The following KAZN variants were observed in gnomAD, a reference collection of about 807,000 sequenced individuals.
The protein encoded by KAZN is kazrin.
A neutral mutation model predicts 87.4 loss-of-function variants in KAZN; 40 were observed. The observed-to-expected ratio is 0.46, with a 90% CI of 0.36 to 0.60. The LOEUF (loss-of-function observed/expected upper bound fraction) is 0.60, where lower values mean the gene tolerates loss of function less well. Ranked by LOEUF, KAZN falls within the 20% of genes least tolerant of loss-of-function variation. The pLI is 0.00. For synonymous variants in KAZN, 466 were observed against 458.3 expected (o/e 1.02, Z -0.22); for missense variants, 898 against 1,073.9 (o/e 0.84, Z 2.29).
chr1:14,805,806 A>ATAT (rs61230959), intron 1 of KAZN, among the ~76,000 whole-genome samples: 2 of 148,790 alleles, frequency 1.3e-5, no homozygotes, highest in Non-Finnish European at 3.0e-5. Flanking sequence ...AATAATAATA[A>ATAT]ATTAAAATCT....
chr1:14,566,417 A>C (rs1028903046), intron 2 of KAZN, among the ~76,000 whole-genome samples: 2 of 152,234 alleles, frequency 1.3e-5, no homozygotes, highest in Non-Finnish European at 2.9e-5. Context: ...AGATGAGTAC[A>C]TTTAGCACAA....
intron 2 of KAZN, among the ~76,000 whole-genome samples, chr1:14,545,205 G>A (rs59332467): frequency 1.6e-3 from 243 of 152,294 alleles, no homozygotes; most frequent in African/African-American, 5.5e-3. Context: ...CCATTCTTTT[G>A]TCTGGATCAT....
chr1:14,416,142 G>A (rs1383955455), intron 2 of KAZN, among the ~76,000 whole-genome samples: 2 of 152,168 alleles, frequency 1.3e-5, no homozygotes, highest in East Asian at 3.9e-4. Flanking sequence ...TGGCTCTGGG[G>A]CTGTAGTAGC....
intron 1 of KAZN, among the ~76,000 whole-genome samples, chr1:14,921,222 A>G (rs1482520247): frequency 1.3e-5 from 2 of 151,682 alleles, no homozygotes; most frequent in African/African-American, 4.8e-5. Flanking sequence ...TGCACTGAGT[A>G]AAAGTTACAG....
At chr1:14,845,559 G>GTGGATGGATGGATGGATGGA (rs112956559) in intron 1 of KAZN, among the ~76,000 whole-genome samples, 2 of 145,436 alleles carry the variant, frequency 1.4e-5, no homozygotes, top group African/African-American at 5.2e-5. Context: ...AGATGGGTGG[G>GTGGATGGATGGATGGATGGA]TGGATGGATG....
rs113085331 is a variant in KAZN at position 15,042,554 on chromosome 1, C to T, written c.556-1435C>T. Among the ~76,000 whole-genome samples the T allele has an allele frequency of 5.5e-3, 837 of 152,222 alleles. 9 individuals carry two copies. Among genetic ancestry groups the T allele is most frequent in the African/African-American group, 0.018 (737 of 41,528 alleles). The stretch of plus-strand genomic sequence containing the variant: ...GCAGAGCTCTCCAGGTGGATTCCTT[C>T]ATGCAGACCCACACAAACGCCCCAA... On this transcript the variant is annotated intron_variant, in intron 3 of 14. Coordinates refer to ENST00000376030, the MANE Select transcript of KAZN (RefSeq NM_201628.3).
rs547221378 is a variant in KAZN at position 14,914,907 on chromosome 1, T to G, written c.227-45777T>G. 2.9e-5 allele frequency among the ~76,000 whole-genome samples: 4 copies of G among 137,664 alleles called. No individual in the cohort carries two copies. The South Asian group carries it at 9.3e-4, about 32-fold the overall frequency. 90.3% of individuals were successfully genotyped at this position (137,664 alleles called of 152,430 possible). A position where few individuals can be genotyped will look rare whatever the true frequency, so the allele number is the denominator to read the frequency against. ...TTCTGGGGATGAAAATGAGCTAATA[T>G]TGGCCAGGCGCGGTGGCTCACGCCT... On this transcript the variant is annotated intron_variant, in intron 1 of 14. Coordinates refer to ENST00000376030, the MANE Select transcript of KAZN (RefSeq NM_201628.3).
At chr1:14,862,835 A>G (rs547524559) in intron 1 of KAZN, among the ~76,000 whole-genome samples, 1 of 152,270 alleles carries the variant, frequency 6.6e-6, no homozygotes, top group African/African-American at 2.4e-5. Context: ...TCACTGGCAC[A>G]ATTCATGGGC....
intron 1 of KAZN, among the ~76,000 whole-genome samples, chr1:14,040,808 A>ATTAAATTAAATTAAAT: frequency 2.6e-5 from 4 of 151,616 alleles, no homozygotes; most frequent in Admixed American, 6.6e-5. Flanking sequence ...TTAAAATAAA[A>ATTAAATTAAATTAAAT]TAAAATAAAA....
At chr1:14,241,420 C>T (rs953752635) in intron 2 of KAZN, among the ~76,000 whole-genome samples, 3 of 152,200 alleles carry the variant, frequency 2.0e-5, no homozygotes, top group Admixed American at 1.3e-4. Context: ...CTCTCTCTCT[C>T]CTACTGGCCC....
intron 2 of KAZN, among the ~76,000 whole-genome samples, chr1:14,561,071 C>T (rs556296646): frequency 3.3e-5 from 5 of 152,174 alleles, no homozygotes; most frequent in Non-Finnish European, 5.9e-5. Flanking sequence ...GGAGGGAGCA[C>T]CTGCTTGGTT....
chr1:14,313,949 A>G (rs1655474424), intron 2 of KAZN, among the ~76,000 whole-genome samples: 1 of 152,162 alleles, frequency 6.6e-6, no homozygotes, highest in African/African-American at 2.4e-5. Flanking sequence ...TGAGGCTAAT[A>G]AAGATAAATT....
intron 2 of KAZN, among the ~76,000 whole-genome samples, chr1:14,372,136 A>C (rs1412418107): frequency 2.0e-5 from 3 of 152,230 alleles, no homozygotes; most frequent in Non-Finnish European, 4.4e-5. Context: ...TACTTTGGGA[A>C]AAGCAAATGA....
intron 2 of KAZN, among the ~76,000 whole-genome samples, chr1:14,440,041 G>A (rs1037634377): frequency 2.0e-5 from 3 of 152,096 alleles, no homozygotes; most frequent in Non-Finnish European, 4.4e-5. Context: ...CCTCTAAGAG[G>A]TTACATAATC....
At chr1:14,801,391 G>GT (rs1646016329) in intron 1 of KAZN, among the ~76,000 whole-genome samples, 1 of 152,204 alleles carries the variant, frequency 6.6e-6, no homozygotes, top group African/African-American at 2.4e-5. Flanking sequence ...GAAGCCAGGT[G>GT]TGAGGGGTCA....
intron 1 of KAZN, among the ~76,000 whole-genome samples, chr1:14,656,679 G>C (rs1638812527): frequency 6.6e-6 from 1 of 152,212 alleles, no homozygotes; most frequent in Non-Finnish European, 1.5e-5. Flanking sequence ...TACATGGCCG[G>C]AGAAGGAGGA....
At chr1:14,614,957 G>A (rs369078159) in intron 1 of KAZN, among the ~76,000 whole-genome samples, 6 of 152,228 alleles carry the variant, frequency 3.9e-5, no homozygotes, top group African/African-American at 9.6e-5. Flanking sequence ...TGGTTTCCTC[G>A]TAGGGATAAT....
intron 2 of KAZN, among the ~76,000 whole-genome samples, chr1:14,516,327 A>C (rs2310803): frequency 0.78 from 118,879 of 152,134 alleles, 46,777 homozygotes; most frequent in South Asian, 0.81. Context: ...AAGATGATCA[A>C]CAGCATCAGC....
intron 1 of KAZN, among the ~76,000 whole-genome samples, chr1:14,132,332 G>A (rs1471051420): frequency 3.9e-5 from 6 of 152,130 alleles, no homozygotes; most frequent in Admixed American, 2.6e-4. Context: ...AGAAAAGCAG[G>A]GGGTCACAGC....
Sources: gnomAD v4.1 joint callset for allele counts (sites outside exome capture counted in the v4.1 genomes callset) on GRCh38, gnomAD v4.1.1 for gene constraint, MANE v1.5 for transcripts, NCBI Gene and HGNC (gene_info 2026-07-23, HGNC 2026-07-21) for gene names.